Variants in RNF122 observed in about 807,000 individuals in gnomAD.
RNF122 encodes the protein ring finger protein 122.
A neutral mutation model predicts 24.2 loss-of-function variants in RNF122; 17 were observed. That is an observed-to-expected ratio of 0.70 (90% CI 0.48 to 1.06). The LOEUF (loss-of-function observed/expected upper bound fraction) is 1.06. RNF122 is among the 50% of genes least tolerant of loss of function. The pLI, the probability that RNF122 is intolerant of heterozygous loss-of-function variation, is 0.00. For synonymous variants in RNF122, 65 were observed against 71.8 expected (o/e 0.91, Z 0.48); for missense variants, 168 against 198.1 (o/e 0.85, Z 0.91).
chr8:33,564,799 G>A (rs1320627751), intron 1 of RNF122, among the ~76,000 whole-genome samples: 1 of 150,964 alleles, frequency 6.6e-6, no homozygotes, highest in East Asian at 2.0e-4. Context: ...TTGAACCCGG[G>A]AGGCGGAGGT....
At chr8:33,557,732 C>A (rs1810476844) in intron 2 of RNF122, among the ~76,000 whole-genome samples, 1 of 151,900 alleles carries the variant, frequency 6.6e-6, no homozygotes, top group African/African-American at 2.4e-5. Flanking sequence ...TGTGGCGAGC[C>A]CTGCCAAACT....
intron 1 of RNF122, among the ~76,000 whole-genome samples, chr8:33,561,273 C>A (rs1810535413): frequency 6.6e-6 from 1 of 152,146 alleles, no homozygotes; most frequent in African/African-American, 2.4e-5. Context: ...CCACAGAATT[C>A]TATACGCTAA....
intron 1 of RNF122, among the ~76,000 whole-genome samples, chr8:33,566,443 G>A: frequency 6.6e-6 from 1 of 152,224 alleles, no homozygotes; most frequent in African/African-American, 2.4e-5. Flanking sequence ...ACAAAGGCCG[G>A]GAACCCCTCG....
At chr8:33,563,201 T>G (rs1810567909) in intron 1 of RNF122, among the ~76,000 whole-genome samples, 2 of 152,030 alleles carry the variant, frequency 1.3e-5, no homozygotes, top group South Asian at 4.2e-4. Flanking sequence ...CGGCCTAGCC[T>G]AGAGTTTGGC....
chr8:33,552,039 G>T (rs1287361850), intron 2 of RNF122, among the ~76,000 whole-genome samples: 1 of 152,148 alleles, frequency 6.6e-6, no homozygotes, highest in Non-Finnish European at 1.5e-5. Context: ...ATGTCGCTGG[G>T]ACACTTAACA....
chr8:33,557,020 TAAAGCCAGC>T (rs1585359468), intron 2 of RNF122, among the ~76,000 whole-genome samples: 1 of 152,244 alleles, frequency 6.6e-6, no homozygotes, highest in East Asian at 1.9e-4. Flanking sequence ...ATCTTAGGAA[TAAAGCCAGC>T]AAAGCCTTTT....
intron 1 of RNF122, among the ~76,000 whole-genome samples, chr8:33,561,695 A>G (rs1810542714): frequency 1.3e-5 from 2 of 152,060 alleles, no homozygotes; most frequent in South Asian, 4.2e-4. Context: ...GGTGTACACC[A>G]CCACGCCCAG....
In RNF122 at chr8:33,566,857, A is replaced by C; in HGVS notation, c.-134T>G. On this transcript the variant is annotated 5_prime_UTR_variant, in exon 1 of 6. Transcript: ENST00000256257. ...CGCGCTGCAGCCGCCCTGCTGGAGA[A>C]GCCGAACTCCCTCCGGAGTGGGGGG... 1 of 965,336 alleles carries C rather than the reference A, an allele frequency of 1.0e-6. No individual in the cohort carries two copies. Among genetic ancestry groups the C allele is most frequent in the Middle Eastern group, 2.9e-4 (1 of 3,452 alleles). 59.8% of individuals were successfully genotyped at this position (965,336 alleles called of 1,614,324 possible).
At chr8:33,565,330 C>T (rs1021391337) in intron 1 of RNF122, among the ~76,000 whole-genome samples, 4 of 152,032 alleles carry the variant, frequency 2.6e-5, no homozygotes, top group Non-Finnish European at 4.4e-5. Context: ...CAAAACAAAG[C>T]CTCTTGACAT....
intron 2 of RNF122, among the ~76,000 whole-genome samples, chr8:33,553,722 G>A (rs1230727191): frequency 6.6e-6 from 1 of 152,258 alleles, no homozygotes; most frequent in African/African-American, 2.4e-5. Flanking sequence ...CCTGGGTAAT[G>A]GAAGAGGCAG....
chr8:33,562,538 C>CAA lies in RNF122; in HGVS notation c.26-3769_26-3768dup, dbSNP rs33948081. Among the ~76,000 whole-genome samples, 501 of 131,012 alleles carry CAA rather than the reference C, an allele frequency of 3.8e-3. 4 individuals carry two copies. Among genetic ancestry groups the CAA allele is most frequent in the African/African-American group, 9.7e-3 (352 of 36,244 alleles). 85.9% of individuals were successfully genotyped at this position (131,012 alleles called of 152,430 possible). ...CATGGGCCAGAGTAAGACCTTGTCT[C>CAA]AAAAAAAAAAAAGAAAAAGAAAAAA... is the stretch of plus-strand genomic sequence containing the variant. On this transcript the variant is annotated intron_variant, in intron 1 of 5. Transcript: ENST00000256257.
chr8:33,564,424 TA>T (rs2128840838), intron 1 of RNF122, among the ~76,000 whole-genome samples: 1 of 152,138 alleles, frequency 6.6e-6, no homozygotes, highest in South Asian at 2.1e-4. Flanking sequence ...AATTAGCCAG[TA>T]GCCAGGTATG....
intron 2 of RNF122, among the ~76,000 whole-genome samples, chr8:33,558,074 T>C (rs1044044134): frequency 6.6e-6 from 1 of 151,628 alleles, no homozygotes; most frequent in Non-Finnish European, 1.5e-5. Flanking sequence ...ACCCAGGAGG[T>C]GGAAGTTGCA....
chr8:33,553,871 C>T (rs182791842), intron 2 of RNF122, among the ~76,000 whole-genome samples: 1 of 152,320 alleles, frequency 6.6e-6, no homozygotes, highest in African/African-American at 2.4e-5. Context: ...AGCTCCAGTC[C>T]AAGTGGACTC....
intron 1 of RNF122, among the ~76,000 whole-genome samples, chr8:33,562,079 G>A (rs1331745074): frequency 1.3e-5 from 2 of 152,134 alleles, no homozygotes; most frequent in Non-Finnish European, 2.9e-5. Context: ...CATCAAGCCT[G>A]TGATAGTCCA....
chr8:33,554,286 G>A (rs758066638), intron 2 of RNF122, among the ~76,000 whole-genome samples: 4 of 152,162 alleles, frequency 2.6e-5, no homozygotes, highest in Non-Finnish European at 5.9e-5. Flanking sequence ...TAACTGTCTG[G>A]GGAATGAGTG....
chr8:33,552,357 C>T (rs984400486), intron 2 of RNF122, among the ~76,000 whole-genome samples: 2 of 152,038 alleles, frequency 1.3e-5, no homozygotes, highest in Admixed American at 6.6e-5. Flanking sequence ...CGAGATTGCG[C>T]CATTGCACTC....
chr8:33,551,481 G>C, intron 2 of RNF122, 92 bp from the exon 3 acceptor site: 1 of 1,275,594 alleles, frequency 7.8e-7, no homozygotes, highest in Non-Finnish European at 1.1e-6. Flanking sequence ...ATTCTTCCGA[G>C]GGCAGGGAGG....
At chr8:33,550,027 A>C (rs13277464) in intron 4 of RNF122, among the ~76,000 whole-genome samples, 1 of 151,512 alleles carries the variant, frequency 6.6e-6, no homozygotes, top group South Asian at 2.1e-4. Flanking sequence ...TGCACCTCCC[A>C]GATTCAAGCA....
Sources: gnomAD v4.1 joint callset for allele counts (sites outside exome capture counted in the v4.1 genomes callset) on GRCh38, gnomAD v4.1.1 for gene constraint, MANE v1.5 for transcripts, NCBI Gene and HGNC (gene_info 2026-07-23, HGNC 2026-07-21) for gene names.